Variants in TLN2 observed in about 807,000 individuals in gnomAD.
The protein encoded by TLN2 is talin-2.
A neutral mutation model predicts 294.7 loss-of-function variants in TLN2; 118 were observed. That is an observed-to-expected ratio of 0.40 (90% CI 0.34 to 0.47). TLN2 has a LOEUF of 0.47. TLN2 is among the 20% of genes least tolerant of loss of function. The pLI is 0.84. For missense variants in TLN2, 3,083 were observed against 3,282.2 expected (o/e 0.94, Z 1.48); for synonymous variants, 1,431 against 1,304.5 (o/e 1.10, Z -2.09).
chr15:62,423,161 A>G (rs1009047133), intron 1 of TLN2, among the ~76,000 whole-genome samples: 2 of 152,206 alleles, frequency 1.3e-5, no homozygotes, highest in East Asian at 3.9e-4. Context: ...TGGGAGGCCA[A>G]GGCAGGTGGA....
At chr15:62,395,516 T>G (rs2032474534) in intron 1 of TLN2, among the ~76,000 whole-genome samples, 1 of 152,146 alleles carries the variant, frequency 6.6e-6, no homozygotes, top group Admixed American at 6.5e-5. Flanking sequence ...CTACAACCTT[T>G]TGGAAAAGCA....
At chr15:62,653,070 C>T (rs910882752) in intron 6 of TLN2, 92 bp from the exon 7 acceptor site, 9 of 1,103,764 alleles carry the variant, frequency 8.2e-6, no homozygotes, top group Non-Finnish European at 8.7e-6. Context: ...TCTTTGCCAC[C>T]AGGAGCTCCT....
chr15:62,809,833 C>A, intron 51 of TLN2, 92 bp from the exon 52 acceptor site: 1 of 1,233,578 alleles, frequency 8.1e-7, no homozygotes, highest in South Asian at 1.3e-5. Flanking sequence ...TTCTTGAGGT[C>A]ACCAGGGTTA....
At chr15:62,448,365 T>C (rs1015789556) in intron 1 of TLN2, among the ~76,000 whole-genome samples, 5 of 152,194 alleles carry the variant, frequency 3.3e-5, no homozygotes, top group African/African-American at 1.2e-4. Flanking sequence ...AATGTAGTTA[T>C]AGAAATGCAT....
At chr15:62,797,495 T>C in intron 48 of TLN2, 93 bp downstream of exon 48, 1 of 1,401,684 alleles carries the variant, frequency 7.1e-7, no homozygotes, top group South Asian at 1.5e-5. Context: ...AACAGGAACT[T>C]TTGAAGTAGA....
chr15:62,631,499 CTCT>C (rs1320597290), intron 3 of TLN2, among the ~76,000 whole-genome samples: 5 of 129,906 alleles, frequency 3.8e-5, no homozygotes, highest in African/African-American at 1.2e-4. Context: ...TTCTTTCTTC[CTCT>C]TTTCTTTCTT....
intron 32 of TLN2, among the ~76,000 whole-genome samples, chr15:62,742,022 GGGGTGTGTGTGTGTGTGTGTGTGT>G (rs1371126227): frequency 3.0e-5 from 3 of 100,218 alleles, no homozygotes; most frequent in African/African-American, 8.4e-5. Flanking sequence ...GGCTTGTAGT[GGGGTGTGTGTGTGTGTGTGTGTGT>G]GTGTGTGTGT....
chr15:62,408,766 G>A (rs966386708), intron 1 of TLN2, among the ~76,000 whole-genome samples: 3 of 152,082 alleles, frequency 2.0e-5, no homozygotes, highest in Non-Finnish European at 4.4e-5. Flanking sequence ...TTTTAATTTG[G>A]TAGTCCAAAT....
At chr15:62,760,559 A>G (rs2062597234) in intron 37 of TLN2, among the ~76,000 whole-genome samples, 1 of 152,182 alleles carries the variant, frequency 6.6e-6, no homozygotes, top group African/African-American at 2.4e-5. Flanking sequence ...TGCCTTGTCA[A>G]GTGTAGCCTT....
At chr15:62,697,978 G>A in intron 15 of TLN2, 110 bp downstream of exon 15, 1 of 1,336,656 alleles carries the variant, frequency 7.5e-7, no homozygotes, top group South Asian at 1.3e-5. Flanking sequence ...CTATTTCCCG[G>A]CTGAACCATG....
chr15:62,719,740 C>G (rs776848823), intron 24 of TLN2, 27 bp from the exon 25 acceptor site: 13 of 1,545,902 alleles, frequency 8.4e-6, no homozygotes, highest in African/African-American at 5.5e-5. Context: ...TCTAGCCATG[C>G]TGTTTTTATT....
intron 31 of TLN2, among the ~76,000 whole-genome samples, chr15:62,739,827 G>A (rs568075052): frequency 5.3e-5 from 8 of 152,272 alleles, no homozygotes; most frequent in African/African-American, 1.4e-4. Context: ...GGTAGGAGGA[G>A]GGAGAATGTT....
chr15:62,432,312 T>G (rs147749394), intron 1 of TLN2, among the ~76,000 whole-genome samples: 65 of 152,246 alleles, frequency 4.3e-4, no homozygotes, highest in African/African-American at 1.4e-3. Flanking sequence ...GAACAGACAT[T>G]TATTTGTCTC....
intron 1 of TLN2, among the ~76,000 whole-genome samples, chr15:62,413,898 T>TGGGGAAACAGCAGCCCA (rs1555404090): frequency 2.1e-5 from 3 of 142,940 alleles, no homozygotes; most frequent in South Asian, 2.5e-4. Flanking sequence ...ATGCCTATTT[T>TGGGGAAACAGCAGCCCA]ATTTTTGTCC....
intron 2 of TLN2, among the ~76,000 whole-genome samples, chr15:62,590,565 C>T (rs1176513121): frequency 6.6e-6 from 1 of 152,148 alleles, no homozygotes; most frequent in Admixed American, 6.5e-5. Flanking sequence ...TCTAGTCTGT[C>T]ATTGATATCT....
intron 1 of TLN2, among the ~76,000 whole-genome samples, chr15:62,581,984 C>T (rs1330683256): frequency 6.6e-6 from 1 of 150,658 alleles, no homozygotes; most frequent in Non-Finnish European, 1.5e-5. Context: ...GTGGAGTTTG[C>T]AGTGAGCCAA....
In TLN2 at chr15:62,719,877, C is replaced by T. The variant is rs138780854; in HGVS notation, c.2988C>T (p.Leu996=). 3 of 1,607,402 alleles carry T rather than the reference C, an allele frequency of 1.9e-6. No individual in the cohort carries two copies. Among genetic ancestry groups the T allele is most frequent in the Non-Finnish European group, 2.5e-6 (3 of 1,176,858 alleles). The change falls in exon 25 of 59, where the codon CTC becomes CTT. Residue 996 remains leucine, a synonymous_variant. Coordinates refer to ENST00000636159, the MANE Select transcript of TLN2 (RefSeq NM_015059.3). ...LALIISSQNF[L]QPGSKMVSSA... ...TCATCATCTCCAGCCAGAACTTCCT[C>T]CAGGTAACAGGGCTGTGGTCACCTT...
intron 1 of TLN2, among the ~76,000 whole-genome samples, chr15:62,491,351 TACACACACACACAC>T (rs1166046640): frequency 1.2e-3 from 123 of 100,300 alleles, no homozygotes; most frequent in Admixed American, 4.2e-3. Context: ...TATATATATA[TACACACACACACAC>T]ACACACACAC....
intron 54 of TLN2, among the ~76,000 whole-genome samples, chr15:62,825,836 A>ATT (rs1555522053): frequency 5.2e-5 from 4 of 77,044 alleles, no homozygotes; most frequent in African/African-American, 2.5e-4. Flanking sequence ...TATAATATAT[A>ATT]ATATATATAA....
Sources: gnomAD v4.1 joint callset for allele counts (sites outside exome capture counted in the v4.1 genomes callset) on GRCh38, gnomAD v4.1.1 for gene constraint, MANE v1.5 for transcripts, NCBI Gene and HGNC (gene_info 2026-07-23, HGNC 2026-07-21) for gene names.